The following CAST variants were observed in gnomAD, a reference collection of about 807,000 sequenced individuals.
CAST encodes the protein calpastatin, also known as MIR583 host.
In CAST, 76 loss-of-function variants were observed where a neutral mutation model predicts 119.6. The observed-to-expected ratio is 0.64, with a 90% CI of 0.53 to 0.77. The LOEUF (loss-of-function observed/expected upper bound fraction) is 0.77. Ranked by LOEUF, CAST falls within the 30% of genes least tolerant of loss-of-function variation. The probability of loss-of-function intolerance (pLI) is 0.00; values close to 1 mark genes in which losing one functional copy is unlikely to be tolerated. For missense variants in CAST, 953 were observed against 946.5 expected (o/e 1.01, Z -0.09); for synonymous variants, 319 against 331.6 (o/e 0.96, Z 0.41).
At chr5:96,333,286 G>A in the CAST span, among the ~76,000 whole-genome samples, 1 of 151,930 alleles carries the variant, frequency 6.6e-6, no homozygotes, top group East Asian at 1.9e-4. Flanking sequence ...ATACAGGGAG[G>A]CTTTTGCTGT....
chr5:96,365,263 A>G, the CAST span, among the ~76,000 whole-genome samples: 1 of 152,198 alleles, frequency 6.6e-6, no homozygotes, highest in Non-Finnish European at 1.5e-5. Flanking sequence ...CAATTTTGGA[A>G]TAAGTGTGAT....
the CAST span, among the ~76,000 whole-genome samples, chr5:96,144,064 A>T: frequency 1.5e-4 from 23 of 152,206 alleles, no homozygotes; most frequent in African/African-American, 5.1e-4. Flanking sequence ...GTAAAGTCAA[A>T]TAATGAAAAA....
chr5:96,675,700 T>A (rs1454804342), intron 2 of CAST, 99 bp downstream of exon 2: 1 of 822,446 alleles, frequency 1.2e-6, no homozygotes, highest in African/African-American at 1.7e-5. Flanking sequence ...GCTTCTACCT[T>A]GCTTAATATT....
chr5:95,991,412 A>G, the CAST span, among the ~76,000 whole-genome samples: 1 of 150,808 alleles, frequency 6.6e-6, no homozygotes, highest in African/African-American at 2.4e-5. Context: ...TTTCCAGGCT[A>G]GTTAATGGGT....
the CAST span, among the ~76,000 whole-genome samples, chr5:96,000,997 A>G: frequency 1.3e-5 from 2 of 152,192 alleles, no homozygotes; most frequent in Non-Finnish European, 2.9e-5. Flanking sequence ...TTAGTGGATG[A>G]ACATTGGATT....
chr5:96,303,934 G>T, the CAST span, among the ~76,000 whole-genome samples: 2 of 152,114 alleles, frequency 1.3e-5, no homozygotes, highest in Admixed American at 1.3e-4. Context: ...CTTTATAGTA[G>T]AATGATTTAT....
intron 1 of CAST, among the ~76,000 whole-genome samples, chr5:96,582,556 GA>G (rs1210375249): frequency 2.6e-5 from 4 of 152,188 alleles, no homozygotes; most frequent in Non-Finnish European, 5.9e-5. Context: ...CCCTTGCCAG[GA>G]GCGTGGGCCA....
At chr5:96,188,677 A>G in the CAST span, among the ~76,000 whole-genome samples, 15 of 151,984 alleles carry the variant, frequency 9.9e-5, no homozygotes, top group Non-Finnish European at 1.6e-4. Context: ...TTCACATTTT[A>G]CATTTTATTC....
the CAST span, among the ~76,000 whole-genome samples, chr5:96,267,710 A>C: frequency 1.3e-5 from 2 of 152,200 alleles, no homozygotes; most frequent in Non-Finnish European, 2.9e-5. Flanking sequence ...AAATCCCACT[A>C]ATGTGCAAAA....
At chr5:96,616,438 C>T (rs1747456557) in intron 1 of CAST, among the ~76,000 whole-genome samples, 1 of 152,154 alleles carries the variant, frequency 6.6e-6, no homozygotes, top group African/African-American at 2.4e-5. Flanking sequence ...TTCTAGAAGT[C>T]AGGAATTCCA....
chr5:96,438,957 T>G, the CAST span, among the ~76,000 whole-genome samples: 1 of 152,180 alleles, frequency 6.6e-6, no homozygotes, highest in Admixed American at 6.5e-5. Context: ...TTAAGTGAAA[T>G]AATCCATTTA....
At chr5:96,662,241 C>T (rs1748605792), upstream of CAST, 1 of 648,828 alleles carries the variant, frequency 1.5e-6, no homozygotes. Context: ...GGGGAGGGCC[C>T]ATCGGGGCTA....
At chr5:96,459,797 T>C in the CAST span, among the ~76,000 whole-genome samples, 2 of 152,316 alleles carry the variant, frequency 1.3e-5, no homozygotes, top group Middle Eastern at 6.8e-3. Flanking sequence ...GCTTGTGTAA[T>C]TATGCATAGC....
intron 1 of CAST, among the ~76,000 whole-genome samples, chr5:96,577,146 A>G (rs190585621): frequency 6.3e-4 from 96 of 152,162 alleles, no homozygotes; most frequent in African/African-American, 2.3e-3. Context: ...TCCATGTCCC[A>G]GTTTGTGGTT....
At chr5:96,401,018 C>T in the CAST span, among the ~76,000 whole-genome samples, 5 of 119,380 alleles carry the variant, frequency 4.2e-5, no homozygotes, top group Non-Finnish European at 3.3e-5. Flanking sequence ...ACCTGGGAGG[C>T]GGAGCTTGCA....
the CAST span, among the ~76,000 whole-genome samples, chr5:96,515,554 T>C: frequency 2.0e-5 from 3 of 152,086 alleles, no homozygotes; most frequent in Non-Finnish European, 2.9e-5. Flanking sequence ...AAGCAATCCC[T>C]AATTTATTTC....
intron 1 of CAST, among the ~76,000 whole-genome samples, chr5:96,558,458 T>TGC (rs1746291040): frequency 6.6e-6 from 1 of 151,922 alleles, no homozygotes; most frequent in African/African-American, 2.4e-5. Context: ...GAGAGACCAC[T>TGC]AGCAAGACTA....
the CAST span, among the ~76,000 whole-genome samples, chr5:96,331,866 T>C: frequency 1.3e-5 from 2 of 152,212 alleles, no homozygotes; most frequent in African/African-American, 4.8e-5. Context: ...CAGCCTTAGA[T>C]GATAGTGATA....
the CAST span, among the ~76,000 whole-genome samples, chr5:96,358,980 TG>T: frequency 6.6e-6 from 1 of 152,178 alleles, no homozygotes; most frequent in Non-Finnish European, 1.5e-5. Context: ...TAAGTCTCTT[TG>T]TAGGTGTTTA....
Sources: allele counts gnomAD v4.1 joint callset (sites outside exome capture counted in the v4.1 genomes callset), GRCh38; gene constraint gnomAD v4.1.1; transcripts MANE v1.5; gene names NCBI Gene and HGNC (gene_info 2026-07-23, HGNC 2026-07-21).